PKIB: variants seen among roughly 807,000 people sequenced by gnomAD.
PKIB encodes cAMP-dependent protein kinase inhibitor beta.
In PKIB, 2 loss-of-function variants were observed where a neutral mutation model predicts 4.5. That is an observed-to-expected ratio of 0.44 (90% CI 0.18 to 1.39). The LOEUF (loss-of-function observed/expected upper bound fraction) is 1.39. Among genes scored for constraint, PKIB ranks in the 40% most tolerant of loss-of-function variants. The pLI is 0.27. For synonymous variants in PKIB, 38 were observed against 36.0 expected, an observed-to-expected ratio of 1.06 and a Z score of -0.20; for missense variants, 94 against 92.6, an observed-to-expected ratio of 1.02 and a Z score of -0.06.
chr6:122,665,192 G>A (rs547934556), intron 2 of PKIB, among the ~76,000 whole-genome samples: 1 of 148,462 alleles, frequency 6.7e-6, no homozygotes, highest in African/African-American at 2.6e-5. Flanking sequence ...GCATTGCTTA[G>A]TAAAGATAAG....
At chr6:122,606,632 A>G (rs186574554), upstream of PKIB, among the ~76,000 whole-genome samples, 119 of 151,972 alleles carry the variant, frequency 7.8e-4, no homozygotes, top group African/African-American at 2.7e-3. Flanking sequence ...CTTTACAGGA[A>G]GTGATACCCT....
Position 122,484,557 on chromosome 6 carries a change from C to T in PKIB, c.-248+6618C>T, listed in dbSNP as rs1368301693. 3.9e-5 allele frequency among the ~76,000 whole-genome samples: 6 copies of T among 152,158 alleles called. No individual in the cohort carries two copies. The South Asian group carries it at 1.0e-3, about 26-fold the overall frequency. The stretch of plus-strand genomic sequence containing the variant: ...GAATCTTGAAATAAAAAGGGGCAGT[C>T]CCAAAGTGAAGGGATCATTTTCAGT... On this transcript the variant is annotated intron_variant, in intron 2 of 6. Coordinates refer to the PKIB transcript ENST00000392491.
At chr6:122,659,985 G>A (rs186402082) in intron 2 of PKIB, among the ~76,000 whole-genome samples, 64 of 152,294 alleles carry the variant, frequency 4.2e-4, no homozygotes, top group Admixed American at 1.3e-3. Flanking sequence ...ATCCAGTGCA[G>A]CATGATATTA....
At chr6:122,520,460 T>C (rs1372488248) in intron 2 of PKIB, among the ~76,000 whole-genome samples, 1 of 152,192 alleles carries the variant, frequency 6.6e-6, no homozygotes, top group Non-Finnish European at 1.5e-5. Context: ...GCCTCTTCCA[T>C]ATCAAGAGTG....
chr6:122,669,438 C>T (rs1777361360), intron 2 of PKIB, among the ~76,000 whole-genome samples: 1 of 152,082 alleles, frequency 6.6e-6, no homozygotes, highest in African/African-American at 2.4e-5. Flanking sequence ...ATCATTAACC[C>T]TTTCCTATGT....
intron 2 of PKIB, among the ~76,000 whole-genome samples, chr6:122,539,298 G>A (rs1175745706): frequency 5.3e-5 from 8 of 152,002 alleles, no homozygotes; most frequent in African/African-American, 1.7e-4. Context: ...TGCCCATTCA[G>A]TATGATATTG....
In PKIB at chr6:122,556,974, G is replaced by A. The variant is rs148099519; in HGVS notation, c.-247-28947G>A. ...TACGCCTGTAATCCCAGCACTTTGG[G>A]AGGCTGAAGTGGGTGGATTACTTGA... is the stretch of plus-strand genomic sequence containing the variant. On this transcript the variant is annotated intron_variant, in intron 2 of 6. Coordinates refer to the PKIB transcript ENST00000392491. Among the ~76,000 whole-genome samples, 337 of 152,358 alleles carry A rather than the reference G, an allele frequency of 2.2e-3. 8 individuals are homozygous for A. In the East Asian group the frequency reaches 0.044, roughly 20 times the overall value.
In PKIB at chr6:122,700,652, G is replaced by A. The variant is rs202060065; in HGVS notation, c.-8-17135G>A. ...CTGCCACTGCCCTACCGTTTCTGTCGTGTGGACTTTTTCCCTCTTTGTTTG... is the reference window on the plus strand; with the variant it reads ...CTGCCACTGCCCTACCGTTTCTGTCATGTGGACTTTTTCCCTCTTTGTTTG... On this transcript the variant is annotated intron_variant, in intron 3 of 4. Coordinates refer to ENST00000368452, the MANE Select transcript of PKIB (RefSeq NM_181795.3). 1.1e-4 allele frequency among the ~76,000 whole-genome samples: 16 copies of A among 152,324 alleles called. No homozygotes were observed. The East Asian group carries it at 1.9e-3, about 18-fold the overall frequency.
intron 1 of PKIB, among the ~76,000 whole-genome samples, chr6:122,476,952 G>T (rs1775464014): frequency 6.6e-6 from 1 of 152,062 alleles, no homozygotes; most frequent in Admixed American, 6.6e-5. Flanking sequence ...TGTTATTAAG[G>T]CAACGTCTAA....
chr6:122,701,245 A>G (rs1778801624), intron 3 of PKIB: 1 of 494,730 alleles, frequency 2.0e-6, no homozygotes, highest in Non-Finnish European at 3.6e-6. Context: ...TTTCCTTCCC[A>G]CAAACCTCAC....
At chr6:122,697,045 C>G (rs1778607471) in intron 3 of PKIB, among the ~76,000 whole-genome samples, 1 of 152,148 alleles carries the variant, frequency 6.6e-6, no homozygotes, top group African/African-American at 2.4e-5. Flanking sequence ...ACATGGCACA[C>G]CTTGCAGGGC....
intron 3 of PKIB, among the ~76,000 whole-genome samples, chr6:122,690,932 A>C (rs56321068): frequency 0.23 from 32,022 of 138,554 alleles, 4,475 homozygotes; most frequent in East Asian, 0.42. Context: ...ATATATATAT[A>C]TTTTTTTTTT....
intron 2 of PKIB, among the ~76,000 whole-genome samples, chr6:122,548,310 T>C (rs938888717): frequency 6.6e-6 from 1 of 152,180 alleles, no homozygotes; most frequent in Non-Finnish European, 1.5e-5. Context: ...TTCTATAATT[T>C]AAGCAAGTGT....
At chr6:122,701,983 A>G (rs2115029115) in intron 3 of PKIB, among the ~76,000 whole-genome samples, 1 of 152,290 alleles carries the variant, frequency 6.6e-6, no homozygotes, top group Non-Finnish European at 1.5e-5. Flanking sequence ...TACATTAGGT[A>G]ACCAGAATAA....
intron 2 of PKIB, among the ~76,000 whole-genome samples, chr6:122,558,579 A>G (rs1043529965): frequency 1.3e-5 from 2 of 152,150 alleles, no homozygotes; most frequent in Non-Finnish European, 2.9e-5. Context: ...CCATTATATC[A>G]TCCTTAGTTG....
upstream of PKIB, among the ~76,000 whole-genome samples, chr6:122,609,399 T>C (rs1181178273): frequency 6.6e-6 from 1 of 152,230 alleles, no homozygotes; most frequent in African/African-American, 2.4e-5. Flanking sequence ...GGTATGAATA[T>C]TGAATAATTT....
chr6:122,611,880 T>C (rs931553654), intron 1 of PKIB, among the ~76,000 whole-genome samples: 1 of 152,218 alleles, frequency 6.6e-6, no homozygotes, highest in Non-Finnish European at 1.5e-5. Flanking sequence ...CTAGTGACAC[T>C]ATCTCAAGAG....
chr6:122,589,494 A>C (rs923330304), intron 3 of PKIB, among the ~76,000 whole-genome samples: 1 of 152,168 alleles, frequency 6.6e-6, no homozygotes, highest in Non-Finnish European at 1.5e-5. Context: ...TAAAAGTTGA[A>C]GGTGGCTGTC....
upstream of PKIB, chr6:122,610,322 T>G (rs1774695448): frequency 6.6e-6 from 1 of 152,286 alleles, no homozygotes; most frequent in Admixed American, 6.5e-5. Context: ...GCCGCGCTCG[T>G]AGCCTGGGGG....
Sources: gnomAD v4.1 joint callset for allele counts (sites outside exome capture counted in the v4.1 genomes callset) on GRCh38, gnomAD v4.1.1 for gene constraint, MANE v1.5 for transcripts, NCBI Gene and HGNC (gene_info 2026-07-23, HGNC 2026-07-21) for gene names.